The following OTOGL variants were observed in gnomAD, a reference collection of about 807,000 sequenced individuals.
OTOGL encodes otogelin-like protein.
OTOGL carries 285 observed loss-of-function variants against 318.5 expected under a neutral mutation model. The observed-to-expected ratio is 0.89, with a 90% confidence interval of 0.81 to 0.99. The LOEUF (loss-of-function observed/expected upper bound fraction) is 0.99, where lower values mean the gene tolerates loss of function less well. Ranked by LOEUF, OTOGL falls within the 50% of genes least tolerant of loss-of-function variation. OTOGL has a pLI of 0.00. For synonymous variants in OTOGL, 987 were observed against 936.5 expected (o/e 1.05, Z -0.99); for missense variants, 2,899 against 2,845.6 (o/e 1.02, Z -0.43).
chr12:80,160,195 T>C (rs534471017), intron 1 of OTOGL, among the ~76,000 whole-genome samples: 14 of 152,062 alleles, frequency 9.2e-5, no homozygotes, highest in Admixed American at 8.5e-4. Flanking sequence ...CGGCAAAGAC[T>C]TTATGACCAA....
chr12:80,277,533 A>G (rs1012069327), intron 24 of OTOGL, among the ~76,000 whole-genome samples: 1 of 150,412 alleles, frequency 6.6e-6, no homozygotes, highest in African/African-American at 2.4e-5. Flanking sequence ...TTTTATAGCC[A>G]TAGACATTTT....
At chr12:80,108,669 A>G (rs953407954) in intron 1 of OTOGL, among the ~76,000 whole-genome samples, 2 of 150,248 alleles carry the variant, frequency 1.3e-5, no homozygotes, top group Non-Finnish European at 3.0e-5. Context: ...TCTAATTCTA[A>G]CATTTGTTAG....
chr12:80,232,292 G>A (rs1241352810), intron 8 of OTOGL, among the ~76,000 whole-genome samples: 1 of 152,004 alleles, frequency 6.6e-6, no homozygotes, highest in African/African-American at 2.4e-5. Context: ...GTACTTTGTG[G>A]CATTAAATAT....
intron 1 of OTOGL, among the ~76,000 whole-genome samples, chr12:80,129,245 T>A (rs1871084043): frequency 6.6e-6 from 1 of 152,074 alleles, no homozygotes; most frequent in Non-Finnish European, 1.5e-5. Context: ...GAAGAGAGAG[T>A]GTAAGATTTG....
intron 19 of OTOGL, 90 bp from the exon 20 acceptor site, chr12:80,264,911 A>G (rs1158593534): frequency 7.6e-6 from 10 of 1,313,102 alleles, no homozygotes; most frequent in Non-Finnish European, 1.1e-5. Context: ...AATATGCACT[A>G]CAGTGTATTT....
At chr12:80,295,181 T>TTTTTTA in intron 26 of OTOGL, among the ~76,000 whole-genome samples, 1 of 60,932 alleles carries the variant, frequency 1.6e-5, no homozygotes, top group Admixed American at 1.9e-4. Context: ...TTTTTTTTTT[T>TTTTTTA]TTTTTAAGAC....
chr12:80,221,435 A>AT (rs1878325484), intron 6 of OTOGL, among the ~76,000 whole-genome samples: 1 of 151,780 alleles, frequency 6.6e-6, no homozygotes, highest in Non-Finnish European at 1.5e-5. Context: ...ATGCTGGCTA[A>AT]TTTTTTGTAT....
chr12:80,217,009 C>T (rs1877792913), intron 4 of OTOGL, among the ~76,000 whole-genome samples: 1 of 152,108 alleles, frequency 6.6e-6, no homozygotes, highest in Non-Finnish European at 1.5e-5. Flanking sequence ...TTTACAGTGT[C>T]AGTCAGCTCT....
chr12:80,353,539 C>T (rs773006516), intron 46 of OTOGL, 29 bp downstream of exon 46: 7 of 1,410,908 alleles, frequency 5.0e-6, no homozygotes, highest in Non-Finnish European at 6.6e-6. Flanking sequence ...AATGACTTCT[C>T]AGGAATCCGG....
At chr12:80,356,097 C>A in intron 47 of OTOGL, 149 bp downstream of exon 47, 1 of 858,924 alleles carries the variant, frequency 1.2e-6, no homozygotes, top group South Asian at 1.7e-5. Context: ...CATTACAATT[C>A]TGTTGAATAC....
At chr12:80,316,584 T>C (rs995864385) in intron 32 of OTOGL, among the ~76,000 whole-genome samples, 2 of 152,196 alleles carry the variant, frequency 1.3e-5, no homozygotes, top group African/African-American at 4.8e-5. Flanking sequence ...TATCAGAGCA[T>C]GAACATGGGG....
chr12:80,262,052 A>T lies in OTOGL; in HGVS notation c.1973A>T (p.His658Leu), dbSNP rs79711087. The T allele has an allele frequency of 2.4e-3, 3,810 of 1,612,944 alleles. 128 individuals carry two copies. In the East Asian group the frequency reaches 0.065, roughly 27 times the overall value. The stretch of plus-strand genomic sequence containing the variant: ...TCTTCTACCTGTTTTGCACCTGTTC[A>T]TGTCCCAGTGGTGGACCCCTGTAAC... ...RVSSTCFAPV[H>L]VPVVDPCNIN... The change falls in exon 19 of 59, where the codon CAT becomes CTT. Residue 658 changes from histidine to leucine, a missense_variant. Coordinates refer to ENST00000547103, the MANE Select transcript of OTOGL (RefSeq NM_001378609.3).
rs553901565 is a variant in OTOGL at position 80,191,594 on chromosome 12, T to A, written c.-19-17819T>A. Reference sequence around the variant, plus strand: ...CCAAATATGATTACATTTTATAAAGTTTTATTCTGTTATTTGTCCTTTAAA... The same window carrying A: ...CCAAATATGATTACATTTTATAAAGATTTATTCTGTTATTTGTCCTTTAAA... On this transcript the variant is annotated intron_variant, in intron 1 of 58. Coordinates refer to ENST00000547103, the MANE Select transcript of OTOGL (RefSeq NM_001378609.3). 2.0e-5 allele frequency among the ~76,000 whole-genome samples: 3 copies of A among 152,362 alleles called. 1 individual carries two copies. The South Asian group carries it at 6.2e-4, about 32-fold the overall frequency.
chr12:80,251,952 C>T, intron 12 of OTOGL, 124 bp from the exon 13 acceptor site: 1 of 856,378 alleles, frequency 1.2e-6, no homozygotes, highest in Non-Finnish European at 1.6e-6. Context: ...AACAAGTATG[C>T]AATTTTTTTG....
At chr12:80,248,917 A>G (rs1479146759) in intron 11 of OTOGL, among the ~76,000 whole-genome samples, 3 of 147,768 alleles carry the variant, frequency 2.0e-5, no homozygotes, top group Admixed American at 6.6e-5. Flanking sequence ...CATTCATTTC[A>G]TCTTCCATTG....
intron 1 of OTOGL, among the ~76,000 whole-genome samples, chr12:80,184,994 A>G (rs1446433670): frequency 1.3e-5 from 2 of 152,144 alleles, no homozygotes; most frequent in Non-Finnish European, 2.9e-5. Context: ...ATTTAATTTA[A>G]TTTTAGAAAA....
At chr12:80,192,538 T>C (rs528797943) in intron 1 of OTOGL, among the ~76,000 whole-genome samples, 1 of 152,334 alleles carries the variant, frequency 6.6e-6, no homozygotes, top group South Asian at 2.1e-4. Context: ...CTGGAAACAT[T>C]GCTTCACTAA....
intron 1 of OTOGL, among the ~76,000 whole-genome samples, chr12:80,161,178 T>G (rs567798289): frequency 2.4e-4 from 36 of 151,922 alleles, no homozygotes; most frequent in African/African-American, 8.4e-4. Context: ...AAATTACCAC[T>G]AAAGAACTTA....
intron 1 of OTOGL, among the ~76,000 whole-genome samples, chr12:80,117,632 A>G (rs1447785370): frequency 6.6e-6 from 1 of 152,184 alleles, no homozygotes; most frequent in Non-Finnish European, 1.5e-5. Flanking sequence ...TTCTTCTTCA[A>G]AACATCATTC....
Sources: allele counts gnomAD v4.1 joint callset (sites outside exome capture counted in the v4.1 genomes callset), GRCh38; gene constraint gnomAD v4.1.1; transcripts MANE v1.5; gene names NCBI Gene and HGNC (gene_info 2026-07-23, HGNC 2026-07-21).